The following SLC35F3 variants were observed in gnomAD, a reference collection of about 807,000 sequenced individuals.
The protein encoded by SLC35F3 is solute carrier family 35 member F3.
SLC35F3 carries 25 observed loss-of-function variants against 49.9 expected under a neutral mutation model. The ratio of observed to expected loss-of-function variants is 0.50; its 90% CI spans 0.37 to 0.70. SLC35F3 has a LOEUF of 0.70. SLC35F3 is among the 30% of genes least tolerant of loss of function. The pLI is 0.00. For synonymous variants in SLC35F3, 275 were observed against 265.4 expected (o/e 1.04, Z -0.35); for missense variants, 525 against 639.8 (o/e 0.82, Z 1.94).
chr1:234,036,486 G>T (rs925038118), intron 2 of SLC35F3, among the ~76,000 whole-genome samples: 1 of 152,200 alleles, frequency 6.6e-6, no homozygotes, highest in Non-Finnish European at 1.5e-5. Context: ...TGGCCTGACA[G>T]CCTCCTGGGA....
intron 2 of SLC35F3, among the ~76,000 whole-genome samples, chr1:234,069,811 C>T (rs1664685829): frequency 6.6e-6 from 1 of 152,190 alleles, no homozygotes; most frequent in East Asian, 1.9e-4. Context: ...GACATTCTCC[C>T]CTTGTCCCTG....
At chr1:234,034,275 A>G (rs1312071513) in intron 2 of SLC35F3, among the ~76,000 whole-genome samples, 1 of 152,136 alleles carries the variant, frequency 6.6e-6, no homozygotes, top group Non-Finnish European at 1.5e-5. Flanking sequence ...TAGGGTATAC[A>G]ATCATATCAT....
chr1:233,970,283 G>A (rs1662971665), intron 2 of SLC35F3, among the ~76,000 whole-genome samples: 1 of 152,152 alleles, frequency 6.6e-6, no homozygotes, highest in Admixed American at 6.5e-5. Flanking sequence ...TGCTCAGTGA[G>A]TTCTTCAGAA....
At chr1:234,069,244 A>AAT (rs1001483651) in intron 2 of SLC35F3, among the ~76,000 whole-genome samples, 36 of 131,054 alleles carry the variant, frequency 2.7e-4, no homozygotes, top group Admixed American at 8.2e-4. Flanking sequence ...AAAAATATAT[A>AAT]ATATATATAT....
chr1:233,905,282 T>C (rs1661753676), intron 1 of SLC35F3, 152 bp downstream of exon 1: 1 of 904,968 alleles, frequency 1.1e-6, no homozygotes, highest in Non-Finnish European at 1.7e-6. Flanking sequence ...AGTCATTCTT[T>C]CCCTCGCCAC....
At chr1:234,190,695 C>T (rs1487416306) in intron 2 of SLC35F3, among the ~76,000 whole-genome samples, 1 of 152,194 alleles carries the variant, frequency 6.6e-6, no homozygotes, top group Non-Finnish European at 1.5e-5. Flanking sequence ...TGGGTTTAAA[C>T]TATACCCTAG....
At chr1:234,258,165 G>C (rs748491537) in intron 3 of SLC35F3, among the ~76,000 whole-genome samples, 1 of 152,200 alleles carries the variant, frequency 6.6e-6, no homozygotes, top group Non-Finnish European at 1.5e-5. Flanking sequence ...GAATAGTTTG[G>C]TGGGCAAGGG....
At chr1:233,908,464 T>G (rs1661811161) in intron 2 of SLC35F3, among the ~76,000 whole-genome samples, 1 of 152,142 alleles carries the variant, frequency 6.6e-6, no homozygotes, top group Non-Finnish European at 1.5e-5. Flanking sequence ...AAATTACCTT[T>G]GCTCAGTATT....
At chr1:233,937,626 C>T (rs1228610248) in intron 2 of SLC35F3, among the ~76,000 whole-genome samples, 1 of 152,130 alleles carries the variant, frequency 6.6e-6, no homozygotes, top group African/African-American at 2.4e-5. Context: ...CAAAGAAGAA[C>T]CTTTGAAGTA....
At chr1:234,179,086 C>A (rs1237740381) in intron 2 of SLC35F3, among the ~76,000 whole-genome samples, 1 of 152,190 alleles carries the variant, frequency 6.6e-6, no homozygotes, top group Non-Finnish European at 1.5e-5. Context: ...CTCCAGGCCC[C>A]ACATTCCCTC....
At chr1:234,023,537 T>C (rs1402141240) in intron 2 of SLC35F3, among the ~76,000 whole-genome samples, 1 of 152,160 alleles carries the variant, frequency 6.6e-6, no homozygotes, top group East Asian at 1.9e-4. Context: ...AAATCTCCTT[T>C]GCAGTACAAG....
At position 234,129,788 on chromosome 1, in the gene SLC35F3, A is replaced by G. The variant is rs1488118099; in HGVS notation, c.284-101629A>G. The stretch of plus-strand genomic sequence containing the variant: ...CACCTGCACTCACTTGATTTTTGAC[A>G]AAGGCACCAATACAATGCAATACGG... On this transcript the variant is annotated intron_variant, in intron 2 of 7. Coordinates refer to ENST00000366618, the MANE Select transcript of SLC35F3 (RefSeq NM_173508.4). Among the ~76,000 whole-genome samples the G allele has an allele frequency of 2.0e-5, 3 of 152,256 alleles. No homozygotes were observed. In the East Asian group the frequency reaches 5.8e-4, roughly 29 times the overall value.
intron 2 of SLC35F3, among the ~76,000 whole-genome samples, chr1:233,914,090 C>A (rs1446246362): frequency 1.3e-5 from 2 of 152,142 alleles, no homozygotes; most frequent in Non-Finnish European, 2.9e-5. Flanking sequence ...TGTACTACAT[C>A]CTCCGTTTGG....
At chr1:234,096,131 T>G (rs1266566063) in intron 2 of SLC35F3, among the ~76,000 whole-genome samples, 1 of 152,224 alleles carries the variant, frequency 6.6e-6, no homozygotes, top group African/African-American at 2.4e-5. Context: ...TCTTTGACAC[T>G]CCATGTGTTC....
chr1:234,022,483 G>T (rs1387620425), intron 2 of SLC35F3, among the ~76,000 whole-genome samples: 2 of 152,112 alleles, frequency 1.3e-5, no homozygotes, highest in South Asian at 2.1e-4. Context: ...TTTTCCTCAA[G>T]GCCTTCAACT....
At chr1:234,043,032 A>C (rs1232837662) in intron 2 of SLC35F3, among the ~76,000 whole-genome samples, 2 of 152,250 alleles carry the variant, frequency 1.3e-5, no homozygotes, top group Non-Finnish European at 2.9e-5. Context: ...TAAAAGGTAC[A>C]AATGTATGAT....
chr1:234,083,199 G>C (rs1572045351), intron 2 of SLC35F3, among the ~76,000 whole-genome samples: 1 of 152,186 alleles, frequency 6.6e-6, no homozygotes, highest in African/African-American at 2.4e-5. Context: ...TATACTGGCA[G>C]CTAACTCCAG....
At chr1:234,202,948 T>C (rs866341580) in intron 2 of SLC35F3, among the ~76,000 whole-genome samples, 2 of 152,290 alleles carry the variant, frequency 1.3e-5, no homozygotes, top group Middle Eastern at 6.8e-3. Context: ...GAGGGGCACC[T>C]GGGTGGAAGA....
chr1:234,123,245 G>C (rs546258183), intron 2 of SLC35F3, among the ~76,000 whole-genome samples: 11 of 152,104 alleles, frequency 7.2e-5, no homozygotes, highest in East Asian at 1.9e-4. Context: ...TTTCATGTTT[G>C]TTGGCCACAT....
Sources: allele counts gnomAD v4.1 joint callset (sites outside exome capture counted in the v4.1 genomes callset), GRCh38; gene constraint gnomAD v4.1.1; transcripts MANE v1.5; gene names NCBI Gene and HGNC (gene_info 2026-07-23, HGNC 2026-07-21).